Variants in NR1H4 observed in about 807,000 individuals in gnomAD.
The protein encoded by NR1H4 is nuclear receptor subfamily 1 group H member 4, also known as bile acid receptor.
NR1H4 carries 23 observed loss-of-function variants against 58.5 expected under a neutral mutation model. The observed-to-expected ratio is 0.39, with a 90% CI of 0.28 to 0.56. The LOEUF is 0.56. Ranked by LOEUF, NR1H4 falls within the 20% of genes least tolerant of loss-of-function variation. The probability of loss-of-function intolerance (pLI) is 0.58; values close to 1 mark genes in which losing one functional copy is unlikely to be tolerated. For synonymous variants in NR1H4, 214 were observed against 198.0 expected (o/e 1.08, Z -0.68); for missense variants, 487 against 576.9 (o/e 0.84, Z 1.60).
chr12:100,493,400 T>C lies in NR1H4; in HGVS notation c.77T>C (p.Phe26Ser), dbSNP rs534650437. 2 of 1,439,816 alleles carry C rather than the reference T, an allele frequency of 1.4e-6. No individual in the cohort carries two copies. The highest frequency in any genetic ancestry group is 1.9e-6 in the Non-Finnish European group (2 of 1,031,770). 89.2% of individuals were successfully genotyped at this position (1,439,816 alleles called of 1,614,324 possible). A position where few individuals can be genotyped will look rare whatever the true frequency, so the allele number is the denominator to read the frequency against. Residue 26 changes from phenylalanine to serine, a missense_variant and splice_region_variant, in exon 3 of 11, where the codon TTT becomes TCT. Phe to Ser is a radical substitution (Grantham distance 155). Coordinates refer to ENST00000392986, the MANE Select transcript of NR1H4 (RefSeq NM_001206979.2). ...GAATTTTCTTTTTCTGAAAATTTAT[T>C]TGGTAAGTTGTCAAGTTCATTTGAA... ...TDEFSFSENL[F>S]GVLTEQVAGP...
At chr12:100,532,743 A>G (rs1237089334) in intron 5 of NR1H4, 133 bp downstream of exon 5, 1 of 763,634 alleles carries the variant, frequency 1.3e-6, no homozygotes, top group African/African-American at 1.8e-5. Context: ...TGAAAAGGGT[A>G]ATGAACCACT....
chr12:100,493,558 G>A (rs1276295174), intron 3 of NR1H4, among the ~76,000 whole-genome samples, 156 bp downstream of exon 3: 1 of 152,186 alleles, frequency 6.6e-6, no homozygotes, highest in African/African-American at 2.4e-5. Context: ...CAAGGTTAGA[G>A]GTAGATCGGA....
At chr12:100,493,683 G>A (rs1953652326) in intron 3 of NR1H4, among the ~76,000 whole-genome samples, 1 of 152,196 alleles carries the variant, frequency 6.6e-6, no homozygotes, top group African/African-American at 2.4e-5. Flanking sequence ...AGTAGAAAGC[G>A]ATTCCTCCTC....
intron 9 of NR1H4, among the ~76,000 whole-genome samples, chr12:100,544,144 C>T (rs1955003106): frequency 2.7e-5 from 4 of 149,250 alleles, no homozygotes; most frequent in South Asian, 2.1e-4. Flanking sequence ...CCCAGCTACT[C>T]GGGAGGCTGA....
At chr12:100,554,215 C>T (rs192194804) in intron 9 of NR1H4, among the ~76,000 whole-genome samples, 1 of 152,260 alleles carries the variant, frequency 6.6e-6, no homozygotes, top group Admixed American at 6.5e-5. Flanking sequence ...ATACCTTGAC[C>T]TCTGTGCTAT....
At chr12:100,532,795 C>T (rs868484863) in intron 5 of NR1H4, among the ~76,000 whole-genome samples, 185 bp downstream of exon 5, 12 of 152,206 alleles carry the variant, frequency 7.9e-5, no homozygotes, top group Admixed American at 7.2e-4. Flanking sequence ...TTTAGTCACC[C>T]GAAAGAAATG....
At chr12:100,499,412 G>A (rs1953784250) in intron 3 of NR1H4, among the ~76,000 whole-genome samples, 1 of 152,230 alleles carries the variant, frequency 6.6e-6, no homozygotes, top group African/African-American at 2.4e-5. Context: ...ATAGCTGTAA[G>A]CAGTCTCTAA....
At chr12:100,548,894 C>T (rs1476186935) in intron 9 of NR1H4, among the ~76,000 whole-genome samples, 1 of 152,136 alleles carries the variant, frequency 6.6e-6, no homozygotes, top group South Asian at 2.1e-4. Context: ...TTATACTAGT[C>T]TGGGCATGAG....
intron 9 of NR1H4, among the ~76,000 whole-genome samples, chr12:100,548,461 T>C (rs949552814): frequency 6.6e-6 from 1 of 152,124 alleles, no homozygotes. Context: ...CAAGGCTTTC[T>C]GACTCATGTC....
rs545726091 is a variant in NR1H4 at position 100,511,931 on chromosome 12, A to T, written c.445+788A>T. 7.8e-3 allele frequency among the ~76,000 whole-genome samples: 1,121 copies of T among 143,484 alleles called. 5 individuals carry two copies. Among genetic ancestry groups the T allele is most frequent in the Non-Finnish European group, 0.013 (872 of 65,394 alleles). The allele number at this position is 143,484 out of a possible 152,430, so 94.1% of individuals were successfully genotyped here. A position where few individuals can be genotyped will look rare whatever the true frequency, so the allele number is the denominator to read the frequency against. ...GAGCGAAAATCCATCTCAAAAAATA[A>T]TTTTTTTTTTTTTTATTTAGCCTAG... On this transcript the variant is annotated intron_variant, in intron 4 of 10. Coordinates refer to ENST00000392986, the MANE Select transcript of NR1H4 (RefSeq NM_001206979.2).
Position 100,563,251 on chromosome 12 carries a change from A to T in NR1H4, c.1193A>T (p.Asp398Val). 1 of 1,606,190 alleles carries T rather than the reference A, an allele frequency of 6.2e-7. No individual in the cohort carries two copies. The stretch of plus-strand genomic sequence containing the variant: ...CATTTTATTTTAAACTTCAAAACAG[A>T]TAGACAATACATAAAGGATAGAGAG... ...LLTAIVILSP[D>V]RQYIKDREAV... Residue 398 changes from aspartate to valine, a missense_variant and splice_region_variant, in exon 11 of 11, where the codon GAT becomes GTT. Asp to Val is a radical substitution (Grantham distance 152). Transcript: ENST00000392986.
chr12:100,495,250 T>C (rs146667301), intron 3 of NR1H4, among the ~76,000 whole-genome samples: 125 of 152,344 alleles, frequency 8.2e-4, no homozygotes, highest in African/African-American at 2.8e-3. Context: ...TGAGCTGCAA[T>C]GCAGAGCTGT....
At chr12:100,521,029 A>G (rs995717724) in intron 4 of NR1H4, among the ~76,000 whole-genome samples, 4 of 152,188 alleles carry the variant, frequency 2.6e-5, no homozygotes, top group East Asian at 1.9e-4. Context: ...ACATTATATT[A>G]TATATTAGAA....
rs1473910515 is a variant in NR1H4 at position 100,564,039 on chromosome 12, A to G, written c.*550A>G. The G allele has an allele frequency of 6.5e-6, 1 of 152,960 alleles. No homozygotes were observed. The highest frequency in any genetic ancestry group is 1.5e-5 in the Non-Finnish European group (1 of 68,600). 9.5% of individuals were successfully genotyped at this position (152,960 alleles called of 1,614,324 possible). A position where few individuals can be genotyped will look rare whatever the true frequency, so the allele number is the denominator to read the frequency against. ...ATTCATTTGTAATAGCCCTCTGATCATTTCCTTTTCTTTGAAGTTCAAAGA... is the reference window on the plus strand; with the variant it reads ...ATTCATTTGTAATAGCCCTCTGATCGTTTCCTTTTCTTTGAAGTTCAAAGA... On this transcript the variant is annotated 3_prime_UTR_variant, in exon 11 of 11. Coordinates refer to ENST00000392986, the MANE Select transcript of NR1H4 (RefSeq NM_001206979.2).
At chr12:100,562,935 C>T (rs887134242) in intron 10 of NR1H4, among the ~76,000 whole-genome samples, 2 of 152,164 alleles carry the variant, frequency 1.3e-5, no homozygotes, top group African/African-American at 4.8e-5. Context: ...ATGGATATGT[C>T]CTATGACCCA....
intron 4 of NR1H4, among the ~76,000 whole-genome samples, chr12:100,512,224 C>A (rs1240795126): frequency 6.6e-6 from 1 of 151,880 alleles, no homozygotes. Flanking sequence ...CAGAGAGAGA[C>A]CCTGCCTCAA....
intron 4 of NR1H4, among the ~76,000 whole-genome samples, chr12:100,517,158 C>G (rs1954289459): frequency 6.6e-6 from 1 of 152,076 alleles, no homozygotes; most frequent in African/African-American, 2.4e-5. Flanking sequence ...ATTCTTGGAC[C>G]CGTTGACTAA....
chr12:100,494,403 A>G (rs1354799127), intron 3 of NR1H4, among the ~76,000 whole-genome samples: 1 of 152,178 alleles, frequency 6.6e-6, no homozygotes, highest in African/African-American at 2.4e-5. Flanking sequence ...CAGTGACCAT[A>G]TTTCATTAAT....
chr12:100,483,367 G>T (rs1044476820), intron 1 of NR1H4, among the ~76,000 whole-genome samples: 18 of 152,128 alleles, frequency 1.2e-4, no homozygotes, highest in African/African-American at 4.3e-4. Flanking sequence ...TAATTAAAAT[G>T]TTAATTTAAA....
Sources: gnomAD v4.1 joint callset for allele counts (sites outside exome capture counted in the v4.1 genomes callset) on GRCh38, gnomAD v4.1.1 for gene constraint, MANE v1.5 for transcripts, NCBI Gene and HGNC (gene_info 2026-07-23, HGNC 2026-07-21) for gene names.